Variants in SMARCC1 observed in about 807,000 individuals in gnomAD.
SMARCC1 encodes the protein SWI/SNF complex subunit SMARCC1.
A neutral mutation model predicts 147.4 loss-of-function variants in SMARCC1; 43 were observed. That is an observed-to-expected ratio of 0.29 (90% confidence interval 0.23 to 0.38). SMARCC1 has a LOEUF of 0.38. Ranked by LOEUF, SMARCC1 falls within the 10% of genes least tolerant of loss-of-function variation. SMARCC1 has a pLI of 1.00. For synonymous variants in SMARCC1, 495 were observed against 484.4 expected (o/e 1.02, Z -0.29); for missense variants, 1,119 against 1,381.1 (o/e 0.81, Z 3.01).
rs200524652 is a variant in SMARCC1, at chr3:47,702,230, C to CA, written c.1041-829dup. Among the ~76,000 whole-genome samples, 788 of 131,100 alleles carry CA rather than the reference C, an allele frequency of 6.0e-3. 22 individuals are homozygous for CA. The highest frequency in any genetic ancestry group is 7.0e-3 in the East Asian group (32 of 4,602). 86.0% of individuals were successfully genotyped at this position (131,100 alleles called of 152,430 possible). Reference sequence around the variant, plus strand: ...TAAAACTAATAAATGTCAGGGGGCTCAAAAAAAAAAAAAAAACCCCAGTGA... The same window carrying CA: ...TAAAACTAATAAATGTCAGGGGGCTCAAAAAAAAAAAAAAAAACCCCAGTGA... On this transcript the variant is annotated intron_variant, in intron 10 of 27. Coordinates refer to ENST00000254480, the MANE Select transcript of SMARCC1 (RefSeq NM_003074.4).
chr3:47,711,588 A>G lies in SMARCC1; in HGVS notation c.793-780T>C, dbSNP rs534264915. Among the ~76,000 whole-genome samples, 10 of 152,324 alleles carry G rather than the reference A, an allele frequency of 6.6e-5. No individual in the cohort carries two copies. The East Asian group carries it at 1.9e-3, about 29-fold the overall frequency. Reference sequence around the variant, plus strand: ...CATGTTCAGTCAAGAACAGATTACAATTATGAAGCCTTTCTAGAACACTGT... The same window carrying G: ...CATGTTCAGTCAAGAACAGATTACAGTTATGAAGCCTTTCTAGAACACTGT... On this transcript the variant is annotated intron_variant, in intron 8 of 27. Coordinates refer to ENST00000254480, the MANE Select transcript of SMARCC1 (RefSeq NM_003074.4).
chr3:47,729,223 GCTT>G (rs891679317), intron 5 of SMARCC1, 129 bp from the exon 6 acceptor site: 4 of 604,186 alleles, frequency 6.6e-6, no homozygotes, highest in African/African-American at 3.7e-5. Context: ...AAAAAGACTT[GCTT>G]CTTTTTAGTC....
intron 19 of SMARCC1, among the ~76,000 whole-genome samples, chr3:47,664,629 A>T (rs1021230849): frequency 1.3e-5 from 2 of 152,216 alleles, no homozygotes; most frequent in Non-Finnish European, 2.9e-5. Flanking sequence ...TTGGATAAAA[A>T]GAATTTATTT....
At chr3:47,733,115 CA>C (rs2034396124) in intron 5 of SMARCC1, among the ~76,000 whole-genome samples, 1 of 151,850 alleles carries the variant, frequency 6.6e-6, no homozygotes, top group African/African-American at 2.4e-5. Flanking sequence ...CAAAAAAAAA[CA>C]AATAAACAAG....
chr3:47,673,059 G>A (rs1016678837), intron 18 of SMARCC1, among the ~76,000 whole-genome samples: 3 of 151,936 alleles, frequency 2.0e-5, no homozygotes, highest in Admixed American at 6.6e-5. Context: ...CAAAATGACT[G>A]CTGAAGCTTT....
Position 47,660,143 on chromosome 3 carries a change from T to C in SMARCC1, c.2320+1151A>G, listed in dbSNP as rs529113112. Among the ~76,000 whole-genome samples, 6 of 152,210 alleles carry C rather than the reference T, an allele frequency of 3.9e-5. No individual in the cohort carries two copies. In the South Asian group the frequency reaches 1.0e-3, roughly 26 times the overall value. Reference sequence around the variant, plus strand: ...GTACTCATAGCAGCATTTTTCATAGTAGTATAAAAGTGGAAACAATAGGCC... The same window carrying C: ...GTACTCATAGCAGCATTTTTCATAGCAGTATAAAAGTGGAAACAATAGGCC... On this transcript the variant is annotated intron_variant, in intron 21 of 27. Transcript: ENST00000254480.
intron 24 of SMARCC1, among the ~76,000 whole-genome samples, chr3:47,624,228 T>C (rs926594184): frequency 6.6e-6 from 1 of 151,644 alleles, no homozygotes; most frequent in African/African-American, 2.4e-5. Flanking sequence ...GAGGCAGAGG[T>C]TGCAGTGAGC....
chr3:47,672,315 C>T (rs1279209435), intron 18 of SMARCC1, among the ~76,000 whole-genome samples: 1 of 151,924 alleles, frequency 6.6e-6, no homozygotes, highest in East Asian at 1.9e-4. Flanking sequence ...CCCGGGTTCA[C>T]ACCATTCTCC....
intron 2 of SMARCC1, among the ~76,000 whole-genome samples, chr3:47,747,440 A>AAAATATAAATATAAATAT (rs1222782989): frequency 0.32 from 38,953 of 120,514 alleles, 7,253 homozygotes; most frequent in East Asian, 0.53. Context: ...TTGTCTCAAA[A>AAAATATAAATATAAATAT]AAATATAAAT....
intron 25 of SMARCC1, among the ~76,000 whole-genome samples, chr3:47,615,234 T>C (rs770488711): frequency 3.1e-4 from 47 of 152,392 alleles, no homozygotes; most frequent in Non-Finnish European, 5.6e-4. Context: ...TCATGGTTTC[T>C]AATTATTTGA....
At chr3:47,727,320 A>G (rs2034311314) in intron 6 of SMARCC1, among the ~76,000 whole-genome samples, 1 of 152,056 alleles carries the variant, frequency 6.6e-6, no homozygotes, top group Non-Finnish European at 1.5e-5. Flanking sequence ...CAACCTGGCC[A>G]AGACGGTGAA....
intron 23 of SMARCC1, among the ~76,000 whole-genome samples, chr3:47,635,573 A>G (rs903867224): frequency 4.6e-5 from 7 of 152,148 alleles, no homozygotes; most frequent in African/African-American, 1.4e-4. Context: ...GCTAAGTTCT[A>G]TGTGGAGGTC....
chr3:47,766,336 C>T (rs1313077959), intron 2 of SMARCC1, among the ~76,000 whole-genome samples: 1 of 150,882 alleles, frequency 6.6e-6, no homozygotes, highest in Non-Finnish European at 1.5e-5. Flanking sequence ...GGGGCCAAGG[C>T]GGAAAGACTG....
intron 10 of SMARCC1, among the ~76,000 whole-genome samples, chr3:47,703,230 G>A (rs556334571): frequency 7.9e-5 from 12 of 152,194 alleles, no homozygotes; most frequent in Admixed American, 2.6e-4. Flanking sequence ...CATCACGCCC[G>A]GCCTCCAAAA....
intron 2 of SMARCC1, among the ~76,000 whole-genome samples, chr3:47,755,106 G>A (rs558746809): frequency 5.3e-5 from 8 of 152,036 alleles, no homozygotes; most frequent in Middle Eastern, 3.4e-3. Flanking sequence ...AGCTACTCGC[G>A]AGGCCGAGGC....
intron 6 of SMARCC1, among the ~76,000 whole-genome samples, chr3:47,724,885 C>A (rs2034280091): frequency 6.6e-6 from 1 of 151,886 alleles, no homozygotes; most frequent in African/African-American, 2.4e-5. Context: ...CATATCTCTA[C>A]AAAAATTGTT....
At chr3:47,631,246 CAG>C (rs1311959972) in intron 24 of SMARCC1, among the ~76,000 whole-genome samples, 6 of 152,146 alleles carry the variant, frequency 3.9e-5, no homozygotes, top group African/African-American at 1.4e-4. Context: ...CCCGTTGTCC[CAG>C]AGCTAATACC....
At chr3:47,777,026 G>A (rs1012359034) in intron 1 of SMARCC1, among the ~76,000 whole-genome samples, 3 of 151,600 alleles carry the variant, frequency 2.0e-5, no homozygotes, top group East Asian at 1.9e-4. Flanking sequence ...CGCCTGCCTC[G>A]GTCTCCCAAA....
intron 11 of SMARCC1, among the ~76,000 whole-genome samples, chr3:47,695,093 C>G (rs1201857811): frequency 6.6e-6 from 1 of 152,128 alleles, no homozygotes. Context: ...TGTTGAAACC[C>G]AACTGTAGTG....
Sources: gnomAD v4.1 joint callset for allele counts (sites outside exome capture counted in the v4.1 genomes callset) on GRCh38, gnomAD v4.1.1 for gene constraint, MANE v1.5 for transcripts, NCBI Gene and HGNC (gene_info 2026-07-23, HGNC 2026-07-21) for gene names.